Variants in NUP210L observed in about 807,000 individuals in gnomAD.
NUP210L encodes nucleoporin 210 like, also known as nuclear pore membrane glycoprotein 210-like.
In NUP210L, 74 loss-of-function variants were observed where a neutral mutation model predicts 208.5. That is an observed-to-expected ratio of 0.35 (90% CI 0.29 to 0.43). NUP210L has a LOEUF of 0.43. Among genes scored for constraint, NUP210L ranks in the 20% least tolerant of loss-of-function variants. NUP210L has a pLI of 1.00. For synonymous variants in NUP210L, 780 were observed against 816.9 expected (o/e 0.95, Z 0.77); for missense variants, 1,843 against 2,289.4 (o/e 0.81, Z 3.98).
intron 34 of NUP210L, among the ~76,000 whole-genome samples, 171 bp downstream of exon 34, chr1:154,012,073 T>C (rs1230497656): frequency 4.6e-5 from 7 of 152,144 alleles, no homozygotes; most frequent in Non-Finnish European, 1.0e-4. Flanking sequence ...TTTAAAACCT[T>C]AGTCTAGTCA....
At chr1:154,075,511 T>C (rs1483679191) in intron 16 of NUP210L, among the ~76,000 whole-genome samples, 2 of 152,038 alleles carry the variant, frequency 1.3e-5, no homozygotes, top group African/African-American at 2.4e-5. Flanking sequence ...AGTGGCCACA[T>C]AGGTCAAAGA....
rs780718343 is a variant in NUP210L, at chr1:154,155,067, C to A, written c.-23G>T. ...CATGGCGACTGCCAGGTCTCGGGTTCCCGCTCAACTACAGCCGGCTCACAG... is the reference window on the plus strand; with the variant it reads ...CATGGCGACTGCCAGGTCTCGGGTTACCGCTCAACTACAGCCGGCTCACAG... On this transcript the variant is annotated 5_prime_UTR_variant, in exon 1 of 40. Coordinates refer to ENST00000368559, the Ensembl canonical transcript of NUP210L. The A allele has an allele frequency of 5.8e-6, 9 of 1,560,116 alleles. No homozygotes were observed. In the South Asian group the frequency reaches 1.0e-4, roughly 18 times the overall value.
chr1:154,058,653 T>C (rs1439561711), exon 21 of NUP210L: 3 of 1,613,836 alleles, frequency 1.9e-6, no homozygotes, highest in Non-Finnish European at 2.5e-6. Flanking sequence ...ACAAAGATCA[T>C]AGACCTCCAA....
chr1:154,096,751 C>T (rs1169559183), intron 14 of NUP210L, among the ~76,000 whole-genome samples: 1 of 147,334 alleles, frequency 6.8e-6, no homozygotes, highest in Non-Finnish European at 1.5e-5. Flanking sequence ...AAAACTTGGT[C>T]TCAGGAAAAA....
At chr1:154,082,696 A>G (rs981073803) in intron 16 of NUP210L, among the ~76,000 whole-genome samples, 7 of 152,194 alleles carry the variant, frequency 4.6e-5, no homozygotes, top group African/African-American at 1.4e-4. Context: ...TTCTTGACCA[A>G]TTACGGAACT....
chr1:154,080,491 G>C (rs1260552183), intron 16 of NUP210L, among the ~76,000 whole-genome samples: 2 of 151,940 alleles, frequency 1.3e-5, no homozygotes, highest in African/African-American at 4.8e-5. Flanking sequence ...AGACCAGCCT[G>C]ACCAATATGA....
exon 10 of NUP210L, chr1:154,126,391 G>A (rs1348108131): frequency 6.2e-7 from 1 of 1,612,406 alleles, no homozygotes; most frequent in Non-Finnish European, 8.5e-7. Context: ...TTTACTATAT[G>A]GTAAGATCCA....
At chr1:154,060,429 G>A (rs1256574283) in intron 20 of NUP210L, 111 bp downstream of exon 20, 9 of 688,268 alleles carry the variant, frequency 1.3e-5, no homozygotes, top group Non-Finnish European at 2.2e-5. Context: ...AAGAAAGAAA[G>A]GAAAATGTTA....
Position 154,012,227 on chromosome 1 carries a change from A to G in NUP210L, c.4780+17T>C. 1 of 1,612,076 alleles carries G rather than the reference A, an allele frequency of 6.2e-7. No individual in the cohort carries two copies. Among genetic ancestry groups the G allele is most frequent in the Non-Finnish European group, 8.5e-7 (1 of 1,179,180 alleles). ...AAAGATAGGAACAATCACTGAAACC[A>G]TGAAGAGATTCCTGACCTTTAAGAT... is the stretch of plus-strand genomic sequence containing the variant. On this transcript the variant is annotated intron_variant, in intron 34 of 39. Transcript: ENST00000368559.
At chr1:154,123,651 G>A (rs553352715) in intron 10 of NUP210L, among the ~76,000 whole-genome samples, 36 of 152,176 alleles carry the variant, frequency 2.4e-4, no homozygotes, top group African/African-American at 8.7e-4. Flanking sequence ...GCCAAGGCGG[G>A]TGGATCACTT....
At chr1:154,061,131 A>C (rs1654113723) in intron 18 of NUP210L, 85 bp from the exon 19 acceptor site, 1 of 899,742 alleles carries the variant, frequency 1.1e-6, no homozygotes, top group African/African-American at 1.7e-5. Context: ...TAATCCCAGC[A>C]CTTTGGGAGG....
chr1:154,055,123 T>TTTTCTTTTC (rs1553228844), intron 23 of NUP210L, among the ~76,000 whole-genome samples: 5 of 117,140 alleles, frequency 4.3e-5, no homozygotes, highest in South Asian at 3.1e-4. Flanking sequence ...TCTTTCTTTC[T>TTTTCTTTTC]TTTCTTTCTT....
chr1:154,019,186 A>G, intron 32 of NUP210L, 117 bp from the exon 33 acceptor site: 1 of 953,234 alleles, frequency 1.0e-6, no homozygotes, highest in East Asian at 2.6e-5. Flanking sequence ...TCCCAGGAGA[A>G]ACAGCCAGCT....
intron 27 of NUP210L, among the ~76,000 whole-genome samples, chr1:154,041,767 A>AAGG (rs1339656546): frequency 3.3e-5 from 5 of 152,122 alleles, no homozygotes; most frequent in African/African-American, 1.2e-4. Flanking sequence ...GATAATAGGG[A>AAGG]AGGCAGGACC....
intron 10 of NUP210L, among the ~76,000 whole-genome samples, chr1:154,125,675 A>G (rs867092818): frequency 0.012 from 51 of 4,376 alleles, no homozygotes; most frequent in Non-Finnish European, 0.043. Context: ...GGAAGGAAGG[A>G]AGGAAGGAAG....
At chr1:154,036,972 A>G (rs939939968) in intron 27 of NUP210L, among the ~76,000 whole-genome samples, 3 of 152,114 alleles carry the variant, frequency 2.0e-5, no homozygotes, top group African/African-American at 7.2e-5. Context: ...CATGTTGCCC[A>G]GGCTGGTCTC....
intron 12 of NUP210L, among the ~76,000 whole-genome samples, chr1:154,116,064 G>A (rs993345144): frequency 2.0e-5 from 3 of 152,046 alleles, no homozygotes; most frequent in African/African-American, 7.2e-5. Context: ...GACCAGCCTG[G>A]CTAGCACGGT....
chr1:154,140,666 C>CGAAG (rs1658806134), intron 4 of NUP210L, among the ~76,000 whole-genome samples: 7 of 102,390 alleles, frequency 6.8e-5, no homozygotes, highest in East Asian at 2.5e-4. Context: ...GACTCCATCT[C>CGAAG]AAAAAAAAAA....
chr1:153,993,314 C>A (rs371560025), intron 38 of NUP210L, among the ~76,000 whole-genome samples: 1 of 152,144 alleles, frequency 6.6e-6, no homozygotes, highest in East Asian at 1.9e-4. Flanking sequence ...CGCCTGTAAT[C>A]GCAGCATTTT....
Sources: gnomAD v4.1 joint callset for allele counts (sites outside exome capture counted in the v4.1 genomes callset) on GRCh38, gnomAD v4.1.1 for gene constraint, MANE v1.5 for transcripts, NCBI Gene and HGNC (gene_info 2026-07-23, HGNC 2026-07-21) for gene names.